Variants in LSAMP observed in about 807,000 individuals in gnomAD.
LSAMP encodes limbic system associated membrane protein.
LSAMP carries 7 observed loss-of-function variants against 38.6 expected under a neutral mutation model. That is an observed-to-expected ratio of 0.18 (90% CI 0.10 to 0.34). The LOEUF (loss-of-function observed/expected upper bound fraction) is 0.34, where lower values mean the gene tolerates loss of function less well. LSAMP is among the 10% of genes least tolerant of loss of function. LSAMP has a pLI of 1.00. For missense variants in LSAMP, 313 were observed against 420.0 expected, an observed-to-expected ratio of 0.75 and a Z score of 2.23; for synonymous variants, 154 against 166.8, an observed-to-expected ratio of 0.92 and a Z score of 0.59.
Position 116,110,991 on chromosome 3 carries a change from C to T in LSAMP, c.156-24435G>A, listed in dbSNP as rs540217664. Among the ~76,000 whole-genome samples the T allele has an allele frequency of 7.7e-5, 11 of 143,194 alleles. No individual in the cohort carries two copies. The South Asian group carries it at 9.5e-4, about 12-fold the overall frequency. 93.9% of individuals were successfully genotyped at this position (143,194 alleles called of 152,430 possible). On this transcript the variant is annotated intron_variant, in intron 1 of 6. Transcript: ENST00000490035. Reference sequence around the variant, plus strand: ...AAAGGGGTTCTCTGGTGGGCAGGGGCGGGGGGTCACAAGGTGCTCAGTGGG... The same window carrying T: ...AAAGGGGTTCTCTGGTGGGCAGGGGTGGGGGGTCACAAGGTGCTCAGTGGG...
At chr3:115,877,363 T>G (rs1936207854) in intron 3 of LSAMP, among the ~76,000 whole-genome samples, 1 of 152,162 alleles carries the variant, frequency 6.6e-6, no homozygotes, top group Non-Finnish European at 1.5e-5. Flanking sequence ...TTGTGGAAGA[T>G]AAATAGTTTA....
intron 1 of LSAMP, among the ~76,000 whole-genome samples, chr3:116,325,492 G>A (rs772416375): frequency 1.3e-5 from 2 of 152,068 alleles, no homozygotes; most frequent in East Asian, 1.9e-4. Flanking sequence ...CCCTGATTTC[G>A]ATGAGGGCAT....
chr3:116,263,069 T>C (rs7431707), intron 1 of LSAMP, among the ~76,000 whole-genome samples: 98,833 of 152,142 alleles, frequency 0.65, 37,157 homozygotes, highest in Non-Finnish European at 0.84. Context: ...TGCTCTCTAA[T>C]GGTCAAAGGG....
intron 1 of LSAMP, among the ~76,000 whole-genome samples, chr3:116,216,110 C>A (rs1279180649): frequency 6.6e-6 from 1 of 152,126 alleles, no homozygotes; most frequent in African/African-American, 2.4e-5. Context: ...TTCATGATTT[C>A]ATGAATCACT....
At chr3:116,403,310 T>C (rs2048861821) in intron 1 of LSAMP, among the ~76,000 whole-genome samples, 1 of 152,172 alleles carries the variant, frequency 6.6e-6, no homozygotes, top group Non-Finnish European at 1.5e-5. Flanking sequence ...TACATAATTG[T>C]GAATGTAAGC....
chr3:116,190,119 ACACACACACATG>A (rs1710721002), intron 1 of LSAMP, among the ~76,000 whole-genome samples: 1 of 151,304 alleles, frequency 6.6e-6, no homozygotes, highest in African/African-American at 2.4e-5. Flanking sequence ...ACACACACAC[ACACACACACATG>A]CATTAAGAAA....
chr3:115,953,201 C>T (rs111460314), intron 3 of LSAMP, among the ~76,000 whole-genome samples: 140 of 152,100 alleles, frequency 9.2e-4, no homozygotes, highest in Non-Finnish European at 1.8e-3. Context: ...CACATGTACA[C>T]CTATTTTTGA....
chr3:116,165,432 C>G (rs1245665399), intron 1 of LSAMP, among the ~76,000 whole-genome samples: 2 of 152,094 alleles, frequency 1.3e-5, no homozygotes, highest in South Asian at 2.1e-4. Context: ...GACCCCCCAC[C>G]TAGTGGAGCA....
intron 1 of LSAMP, among the ~76,000 whole-genome samples, chr3:116,209,672 A>G (rs1255987527): frequency 3.9e-5 from 6 of 152,158 alleles, no homozygotes; most frequent in African/African-American, 7.2e-5. Context: ...ACAGTGATCA[A>G]TGACTTGGCT....
chr3:116,176,457 A>G (rs1339487765), intron 1 of LSAMP, among the ~76,000 whole-genome samples: 1 of 152,170 alleles, frequency 6.6e-6, no homozygotes, highest in Non-Finnish European at 1.5e-5. Context: ...GCCCTGCCTC[A>G]ACCGCTGCCA....
At chr3:116,422,478 G>A (rs1314352273) in intron 1 of LSAMP, among the ~76,000 whole-genome samples, 3 of 152,118 alleles carry the variant, frequency 2.0e-5, no homozygotes, top group East Asian at 3.9e-4. Context: ...TTTTATAGAA[G>A]AGACTTGATT....
intron 1 of LSAMP, among the ~76,000 whole-genome samples, chr3:116,259,775 G>C (rs1563939): frequency 0.97 from 147,445 of 152,158 alleles, 71,615 homozygotes; most frequent in Middle Eastern, 1. Context: ...ATAAGAAAAA[G>C]TCTCAACTAA....
chr3:116,104,900 A>G (rs1576364911), intron 1 of LSAMP, among the ~76,000 whole-genome samples: 1 of 152,340 alleles, frequency 6.6e-6, no homozygotes, highest in African/African-American at 2.4e-5. Flanking sequence ...TTCTAGACTT[A>G]TCACACACAC....
chr3:115,866,932 C>G (rs1336989670), intron 3 of LSAMP, among the ~76,000 whole-genome samples: 1 of 151,956 alleles, frequency 6.6e-6, no homozygotes, highest in East Asian at 1.9e-4. Flanking sequence ...ATTTCACAGC[C>G]TGCAGGCAAG....
At chr3:116,254,966 A>G (rs903625407) in intron 1 of LSAMP, among the ~76,000 whole-genome samples, 10 of 152,168 alleles carry the variant, frequency 6.6e-5, no homozygotes, top group Non-Finnish European at 1.5e-4. Flanking sequence ...ACTTTTCACC[A>G]GTTACTGAGA....
intron 1 of LSAMP, among the ~76,000 whole-genome samples, chr3:116,332,411 A>G (rs1212310421): frequency 6.6e-6 from 1 of 152,158 alleles, no homozygotes; most frequent in Non-Finnish European, 1.5e-5. Context: ...TTAAACTGAT[A>G]TAAATCCAAA....
intron 1 of LSAMP, among the ~76,000 whole-genome samples, chr3:116,214,499 CTTTTTTT>C (rs59630662): frequency 9.7e-6 from 1 of 103,254 alleles, no homozygotes; most frequent in African/African-American, 3.9e-5. Flanking sequence ...AAAAATGGGT[CTTTTTTT>C]TTTTTTTTTT....
At chr3:115,970,836 G>A (rs186535749) in intron 3 of LSAMP, among the ~76,000 whole-genome samples, 23 of 152,316 alleles carry the variant, frequency 1.5e-4, no homozygotes, top group African/African-American at 5.0e-4. Flanking sequence ...TGGAGCGCAC[G>A]AGAGAACTTT....
At chr3:116,267,080 C>T (rs1381073271) in intron 1 of LSAMP, among the ~76,000 whole-genome samples, 1 of 152,074 alleles carries the variant, frequency 6.6e-6, no homozygotes, top group East Asian at 1.9e-4. Context: ...GGATTCAAAA[C>T]TAAGATCTCG....
Sources: allele counts gnomAD v4.1 joint callset (sites outside exome capture counted in the v4.1 genomes callset), GRCh38; gene constraint gnomAD v4.1.1; transcripts MANE v1.5; gene names NCBI Gene and HGNC (gene_info 2026-07-23, HGNC 2026-07-21).